NRG3: variants seen among roughly 807,000 people sequenced by gnomAD.
NRG3 encodes neuregulin 3.
A neutral mutation model predicts 66.9 loss-of-function variants in NRG3; 31 were observed. The ratio of observed to expected loss-of-function variants is 0.46; its 90% CI spans 0.35 to 0.63. NRG3 has a LOEUF of 0.63. NRG3 is among the 20% of genes least tolerant of loss of function. The pLI is 0.00. For missense variants in NRG3, 910 were observed against 878.9 expected (o/e 1.04, Z -0.45); for synonymous variants, 393 against 359.4 (o/e 1.09, Z -1.06).
Position 81,875,424 on chromosome 10 carries a change from T to TGCGGCG in NRG3, c.90_95dup (p.Ala33_Ala34dup). ...CGGCCGAGGAGGGCACCGCGGCGGC[T>TGCGGCG]GCGGCGGCGGCAGCGGCGGGCGGGG... On this transcript the variant is annotated inframe_insertion, in exon 1 of 9. Transcript: ENST00000372141. The surrounding 1 kb of genome is among the most constrained non-coding windows in gnomAD (Gnocchi z 5.3). 1 of 1,091,042 alleles carries TGCGGCG rather than the reference T, an allele frequency of 9.2e-7. No homozygotes were observed. The highest frequency in any genetic ancestry group is 1.1e-6 in the Non-Finnish European group (1 of 900,438). 67.6% of individuals were successfully genotyped at this position (1,091,042 alleles called of 1,614,324 possible). A position where few individuals can be genotyped will look rare whatever the true frequency, so the allele number is the denominator to read the frequency against.
chr10:81,986,185 A>G (rs1564713856), intron 1 of NRG3, among the ~76,000 whole-genome samples: 1 of 152,140 alleles, frequency 6.6e-6, no homozygotes, highest in Non-Finnish European at 1.5e-5. Context: ...AAGTATTGAG[A>G]TTTTCAGTCA....
At chr10:82,756,494 G>A (rs542167237) in intron 3 of NRG3, among the ~76,000 whole-genome samples, 13 of 152,124 alleles carry the variant, frequency 8.5e-5, no homozygotes, top group Admixed American at 6.6e-4. Context: ...TATGTAGTTC[G>A]TAGTATACAC....
chr10:82,370,167 C>G (rs1309440302), intron 2 of NRG3, among the ~76,000 whole-genome samples: 1 of 138,968 alleles, frequency 7.2e-6, no homozygotes, highest in Non-Finnish European at 1.5e-5. Context: ...CTTCTGTATC[C>G]CAAGCTCTTG....
chr10:82,235,979 T>C (rs2076730718), intron 1 of NRG3, among the ~76,000 whole-genome samples: 1 of 151,582 alleles, frequency 6.6e-6, no homozygotes, highest in Admixed American at 6.6e-5. Flanking sequence ...CACACACACA[T>C]AGACACGCAC....
chr10:82,047,661 G>C (rs1387519015), intron 1 of NRG3, among the ~76,000 whole-genome samples: 1 of 151,504 alleles, frequency 6.6e-6, no homozygotes, highest in African/African-American at 2.4e-5. Flanking sequence ...AAAATGTAAA[G>C]ACCATCGAGA....
chr10:82,813,035 A>G (rs954098881), intron 3 of NRG3, among the ~76,000 whole-genome samples: 1 of 152,168 alleles, frequency 6.6e-6, no homozygotes, highest in Non-Finnish European at 1.5e-5. Context: ...CAGTCATGCA[A>G]TAACTCAAGA....
At chr10:82,126,397 G>T (rs1342735318) in intron 1 of NRG3, among the ~76,000 whole-genome samples, 1 of 151,886 alleles carries the variant, frequency 6.6e-6, no homozygotes, top group East Asian at 1.9e-4. Flanking sequence ...TGCAACATGA[G>T]ACATACAGAA....
chr10:82,677,396 T>C (rs1591131506), intron 2 of NRG3, among the ~76,000 whole-genome samples: 1 of 152,130 alleles, frequency 6.6e-6, no homozygotes, highest in South Asian at 2.1e-4. Flanking sequence ...GGGGAGTTTT[T>C]TGTTTGTTTT....
rs2083374347 is a variant in NRG3 at position 82,350,613 on chromosome 10, G to C, written c.824-8126G>C. On this transcript the variant is annotated intron_variant, in intron 1 of 8. Transcript: ENST00000372141. ...AATCTGAAACAATTAGAAATTATTT[G>C]TTAGAGACATACATGTAGCTGTGTA... Among the ~76,000 whole-genome samples, 3 of 152,204 alleles carry C rather than the reference G, an allele frequency of 2.0e-5. No homozygotes were observed. The South Asian group carries it at 6.2e-4, about 32-fold the overall frequency.
chr10:82,086,895 G>A (rs2065760698), intron 1 of NRG3, among the ~76,000 whole-genome samples: 1 of 152,092 alleles, frequency 6.6e-6, no homozygotes, highest in Admixed American at 6.6e-5. Context: ...TATCAATGTT[G>A]ACTCTGACAA....
At position 82,985,218 on chromosome 10, in the gene NRG3, C is replaced by G. The variant is rs759817336; in HGVS notation, c.1704C>G (p.Ser568=). 1.2e-6 allele frequency: 2 copies of G among 1,614,126 alleles called. No individual in the cohort carries two copies. Among genetic ancestry groups the G allele is most frequent in the South Asian group, 1.1e-5 (1 of 91,082 alleles). ...AAAAGGACCTGGTGGGCTATTCATCCACAAGGGCCAGTTCTGTGCCCATCA... is the reference window on the plus strand; with the variant it reads ...AAAAGGACCTGGTGGGCTATTCATCGACAAGGGCCAGTTCTGTGCCCATCA... ...LEQKDLVGYS[S]TRASSVPIIP... is the part of the protein sequence containing the mutation. The change falls in exon 9 of 9, where the codon TCC becomes TCG. Residue 568 remains serine, a synonymous_variant. Coordinates refer to ENST00000372141, the MANE Select transcript of NRG3 (RefSeq NM_001010848.4).
intron 2 of NRG3, among the ~76,000 whole-genome samples, chr10:82,497,370 A>G (rs1487961083): frequency 6.6e-6 from 1 of 152,256 alleles, no homozygotes; most frequent in Non-Finnish European, 1.5e-5. Context: ...AAATTTTATT[A>G]TTCCCCTGCA....
intron 2 of NRG3, among the ~76,000 whole-genome samples, chr10:82,640,545 T>G (rs776562334): frequency 5.9e-5 from 9 of 152,198 alleles, no homozygotes; most frequent in Non-Finnish European, 1.3e-4. Context: ...TATAAGCCCA[T>G]CTTTGTGTTT....
intron 3 of NRG3, among the ~76,000 whole-genome samples, chr10:82,754,672 A>G (rs1023039167): frequency 2.6e-5 from 4 of 152,152 alleles, no homozygotes; most frequent in Non-Finnish European, 5.9e-5. Context: ...CAATTTAATT[A>G]GCTTTACCTT....
intron 2 of NRG3, among the ~76,000 whole-genome samples, chr10:82,408,081 G>GAGAGAGAGAA (rs1564888020): frequency 7.5e-5 from 5 of 67,058 alleles, no homozygotes; most frequent in East Asian, 4.2e-4. Context: ...GAGAGAGAGA[G>GAGAGAGAGAA]AGACAGAAAG....
intron 1 of NRG3, among the ~76,000 whole-genome samples, chr10:82,308,638 A>G (rs2080869947): frequency 2.0e-5 from 3 of 152,202 alleles, no homozygotes; most frequent in Admixed American, 1.3e-4. Context: ...CCATGTTTAT[A>G]CCAATATTCC....
At chr10:82,545,736 C>A (rs1032361762) in intron 2 of NRG3, among the ~76,000 whole-genome samples, 1 of 150,010 alleles carries the variant, frequency 6.7e-6, no homozygotes, top group Non-Finnish European at 1.5e-5. Flanking sequence ...ATCTTTCTTG[C>A]AGCATAACAG....
chr10:82,345,569 A>C (rs1308933112), intron 1 of NRG3, among the ~76,000 whole-genome samples: 1 of 151,264 alleles, frequency 6.6e-6, no homozygotes, highest in African/African-American at 2.4e-5. Context: ...TTCCATATGA[A>C]CTTTAAAGTA....
At chr10:82,893,521 C>T (rs1191308550) in intron 4 of NRG3, among the ~76,000 whole-genome samples, 1 of 152,144 alleles carries the variant, frequency 6.6e-6, no homozygotes, top group Non-Finnish European at 1.5e-5. Context: ...AACCCCGTCT[C>T]TACTAAAACT....
Sources: allele counts gnomAD v4.1 joint callset (sites outside exome capture counted in the v4.1 genomes callset), GRCh38; gene constraint gnomAD v4.1.1; non-coding constraint Gnocchi (gnomAD v3.1); transcripts MANE v1.5; gene names NCBI Gene and HGNC (gene_info 2026-07-23, HGNC 2026-07-21).